The following NAALADL2 variants were observed in gnomAD, a reference collection of about 807,000 sequenced individuals.
NAALADL2 encodes the protein inactive N-acetylated-alpha-linked acidic dipeptidase-like protein 2.
Under a neutral mutation model 87.2 loss-of-function variants are expected in NAALADL2, and 76 were observed. The ratio of observed to expected loss-of-function variants is 0.87; its 90% CI spans 0.72 to 1.05. NAALADL2 has a LOEUF of 1.05. Among genes scored for constraint, NAALADL2 ranks in the 50% least tolerant of loss-of-function variants. The pLI is 0.00. For missense variants in NAALADL2, 1,089 were observed against 945.8 expected (o/e 1.15, Z -1.99); for synonymous variants, 354 against 331.0 (o/e 1.07, Z -0.75).
chr3:174,605,414 C>G (rs1462149083), intron 2 of NAALADL2, among the ~76,000 whole-genome samples: 1 of 152,208 alleles, frequency 6.6e-6, no homozygotes, highest in Non-Finnish European at 1.5e-5. Context: ...CTTTCCTAGT[C>G]AAAGAAAGGG....
At chr3:175,519,708 T>G (rs1370637554) in intron 9 of NAALADL2, among the ~76,000 whole-genome samples, 3 of 152,154 alleles carry the variant, frequency 2.0e-5, no homozygotes, top group Non-Finnish European at 1.5e-5. Flanking sequence ...TTCACCGAAA[T>G]AAAAGATAAG....
chr3:175,203,600 G>C (rs1047906664), intron 2 of NAALADL2, among the ~76,000 whole-genome samples: 1 of 130,962 alleles, frequency 7.6e-6, no homozygotes, highest in Non-Finnish European at 1.8e-5. Flanking sequence ...AATTCACAGC[G>C]CAAGTCTCCT....
chr3:174,926,775 T>G (rs1237829241), intron 1 of NAALADL2, among the ~76,000 whole-genome samples: 1 of 152,112 alleles, frequency 6.6e-6, no homozygotes, highest in South Asian at 2.1e-4. Context: ...AGATCATCGA[T>G]GCTAGGAAGA....
intron 1 of NAALADL2, among the ~76,000 whole-genome samples, chr3:175,033,163 G>A (rs1245280906): frequency 6.6e-6 from 1 of 151,952 alleles, no homozygotes; most frequent in African/African-American, 2.4e-5. Flanking sequence ...GGTTCCGTTG[G>A]ATGTTAATGG....
rs563403669 is a variant in NAALADL2 at position 175,426,341 on chromosome 3, C to T, written c.1091-20888C>T. Among the ~76,000 whole-genome samples the T allele has an allele frequency of 7.2e-5, 11 of 152,170 alleles. No individual in the cohort carries two copies. The South Asian group carries it at 8.3e-4, about 11-fold the overall frequency. On this transcript the variant is annotated intron_variant, in intron 5 of 13. Transcript: ENST00000454872. ...TTTGGCCACTGCACTCCTGCCTGAG[C>T]GACAGAGTGAGACTCTATCTCAAAA...
At position 174,771,186 on chromosome 3, in the gene NAALADL2, T is replaced by C. The variant is rs6809878; in HGVS notation, c.-9+33440T>C. ...AACACACTTTTGGGTATCAAGGATA[T>C]AGATTAGAGGCAAAGCATCTGATCT... On this transcript the variant is annotated intron_variant, in intron 3 of 3. Transcript: ENST00000434257. 1.1e-3 allele frequency among the ~76,000 whole-genome samples: 173 copies of C among 152,314 alleles called. 2 individuals carry two copies. The highest frequency in any genetic ancestry group is 4.0e-3 in the African/African-American group (165 of 41,568).
intron 11 of NAALADL2, among the ~76,000 whole-genome samples, chr3:175,733,793 T>A (rs1054774148): frequency 1.3e-5 from 2 of 152,178 alleles, no homozygotes; most frequent in African/African-American, 4.8e-5. Flanking sequence ...AATACAGCCA[T>A]TACAAATGGG....
chr3:175,403,567 A>G (rs1683933726), intron 5 of NAALADL2, among the ~76,000 whole-genome samples: 1 of 152,138 alleles, frequency 6.6e-6, no homozygotes, highest in Non-Finnish European at 1.5e-5. Flanking sequence ...TTACTAGTCA[A>G]TAGGCATTGT....
At chr3:175,149,248 G>A (rs1731202642) in intron 2 of NAALADL2, among the ~76,000 whole-genome samples, 1 of 152,046 alleles carries the variant, frequency 6.6e-6, no homozygotes, top group Non-Finnish European at 1.5e-5. Context: ...GTTCAGTTAA[G>A]CATAGATATT....
chr3:174,740,862 C>G (rs1733695203), intron 3 of NAALADL2, among the ~76,000 whole-genome samples: 1 of 151,732 alleles, frequency 6.6e-6, no homozygotes, highest in Admixed American at 6.6e-5. Flanking sequence ...TCTTGAGTCT[C>G]TTTAAACTAG....
intron 1 of NAALADL2, among the ~76,000 whole-genome samples, chr3:174,984,845 C>T (rs976220451): frequency 6.6e-6 from 1 of 152,126 alleles, no homozygotes; most frequent in East Asian, 1.9e-4. Flanking sequence ...ATACATTATT[C>T]CTCTGTAGAG....
chr3:175,133,044 A>T (rs1728418136), intron 2 of NAALADL2, among the ~76,000 whole-genome samples: 1 of 140,894 alleles, frequency 7.1e-6, no homozygotes, highest in African/African-American at 2.7e-5. Context: ...CACATCCCAG[A>T]CGGGGCGGCG....
intron 3 of NAALADL2, among the ~76,000 whole-genome samples, chr3:174,787,598 T>C (rs189042719): frequency 0.019 from 1,145 of 59,600 alleles, 14 homozygotes; most frequent in East Asian, 0.043. Context: ...TATATATATA[T>C]ATATATATAT....
intron 1 of NAALADL2, among the ~76,000 whole-genome samples, chr3:175,095,686 A>G (rs911636217): frequency 2.0e-5 from 3 of 151,978 alleles, no homozygotes; most frequent in African/African-American, 7.3e-5. Context: ...TTTCATAGGA[A>G]TTTACTTGTC....
At chr3:175,040,848 G>A (rs890633481) in intron 1 of NAALADL2, among the ~76,000 whole-genome samples, 12 of 152,058 alleles carry the variant, frequency 7.9e-5, no homozygotes, top group African/African-American at 2.9e-4. Context: ...TCTGCACTAA[G>A]TTATACAGAA....
At chr3:175,266,179 A>T (rs1229795003) in intron 4 of NAALADL2, among the ~76,000 whole-genome samples, 1 of 150,830 alleles carries the variant, frequency 6.6e-6, no homozygotes, top group Non-Finnish European at 1.5e-5. Context: ...AATCTCATTT[A>T]TTTTAAATAT....
chr3:175,265,829 A>C (rs1751833678), intron 4 of NAALADL2, among the ~76,000 whole-genome samples: 2 of 151,600 alleles, frequency 1.3e-5, no homozygotes, highest in Middle Eastern at 3.7e-3. Context: ...TTTTCAATTG[A>C]ACTTTGAAAA....
intron 1 of NAALADL2, among the ~76,000 whole-genome samples, chr3:175,093,049 A>G (rs1005208753): frequency 1.3e-5 from 2 of 151,868 alleles, no homozygotes; most frequent in African/African-American, 4.8e-5. Flanking sequence ...TGCAGATTAT[A>G]AAATCTACTA....
intron 2 of NAALADL2, among the ~76,000 whole-genome samples, chr3:174,576,706 C>G (rs904635139): frequency 6.6e-6 from 1 of 152,118 alleles, no homozygotes; most frequent in African/African-American, 2.4e-5. Flanking sequence ...AGCTTAATAG[C>G]CTTGCTGCCA....
Sources: gnomAD v4.1 joint callset for allele counts (sites outside exome capture counted in the v4.1 genomes callset) on GRCh38, gnomAD v4.1.1 for gene constraint, MANE v1.5 for transcripts, NCBI Gene and HGNC (gene_info 2026-07-23, HGNC 2026-07-21) for gene names.